The following MAD1L1 variants were observed in gnomAD, a reference collection of about 807,000 sequenced individuals.
The protein encoded by MAD1L1 is mitotic arrest deficient 1 like 1.
In MAD1L1, 95 loss-of-function variants were observed where a neutral mutation model predicts 96.9. The observed-to-expected ratio is 0.98, with a 90% CI of 0.83 to 1.16. The LOEUF (loss-of-function observed/expected upper bound fraction) is 1.16. Ranked by LOEUF, MAD1L1 falls within the 50% of genes most tolerant of loss-of-function variation. MAD1L1 has a pLI of 0.00. For missense variants in MAD1L1, 1,007 were observed against 954.4 expected, an observed-to-expected ratio of 1.06 and a Z score of -0.73; for synonymous variants, 473 against 396.6, an observed-to-expected ratio of 1.19 and a Z score of -2.29.
chr7:2,001,319 C>A (rs1310275037), intron 14 of MAD1L1, among the ~76,000 whole-genome samples: 1 of 152,282 alleles, frequency 6.6e-6, no homozygotes, highest in Non-Finnish European at 1.5e-5. Context: ...CGTCCTTGTC[C>A]TTCACAGACA....
intron 18 of MAD1L1, among the ~76,000 whole-genome samples, chr7:1,888,027 G>A (rs1371171423): frequency 4.6e-5 from 7 of 151,116 alleles, no homozygotes; most frequent in African/African-American, 1.5e-4. Flanking sequence ...GTGTGCATGC[G>A]TGAGACTGAG....
At chr7:2,184,758 T>G (rs566153743) in intron 10 of MAD1L1, among the ~76,000 whole-genome samples, 1 of 152,212 alleles carries the variant, frequency 6.6e-6, no homozygotes, top group East Asian at 1.9e-4. Context: ...TCCCAGCACT[T>G]TGGGAGGCTG....
At chr7:2,144,067 A>C (rs1859993) in intron 11 of MAD1L1, among the ~76,000 whole-genome samples, 100 of 152,140 alleles carry the variant, frequency 6.6e-4, no homozygotes, top group African/African-American at 2.3e-3. Context: ...AACGTGTCCC[A>C]CAGGGACCCA....
chr7:2,168,796 C>G lies in MAD1L1; in HGVS notation c.987-19558G>C, dbSNP rs561498445. ...GTGGAGGAAGAACACAAGCCTGGAG[C>G]AGGGGGCAGACACACGGGGCGTGGG... On this transcript the variant is annotated intron_variant, in intron 10 of 18. Coordinates refer to ENST00000265854, the MANE Select transcript of MAD1L1 (RefSeq NM_001013836.2). 1.6e-3 allele frequency among the ~76,000 whole-genome samples: 249 copies of G among 152,342 alleles called. 2 individuals carry two copies. The highest frequency in any genetic ancestry group is 2.6e-3 in the Non-Finnish European group (174 of 68,034).
intron 18 of MAD1L1, among the ~76,000 whole-genome samples, chr7:1,864,803 C>T (rs1784703304): frequency 6.6e-6 from 1 of 152,154 alleles, no homozygotes; most frequent in Non-Finnish European, 1.5e-5. Flanking sequence ...CGCCCCCACT[C>T]CGCCCCTTTC....
intron 17 of MAD1L1, among the ~76,000 whole-genome samples, chr7:1,929,441 A>T (rs1428583593): frequency 1.3e-5 from 2 of 152,262 alleles, no homozygotes; most frequent in East Asian, 3.9e-4. Context: ...CCAGCACGGG[A>T]GGCCGGGCTT....
chr7:2,102,275 C>A (rs1251581647), intron 11 of MAD1L1, among the ~76,000 whole-genome samples: 1 of 148,728 alleles, frequency 6.7e-6, no homozygotes, highest in East Asian at 2.0e-4. Flanking sequence ...CCATCACTAT[C>A]ACCACCACCA....
intron 17 of MAD1L1, among the ~76,000 whole-genome samples, chr7:1,903,672 T>C (rs1355230137): frequency 1.7e-4 from 23 of 137,268 alleles, no homozygotes; most frequent in Middle Eastern, 4.4e-3. Context: ...CAGTGGCCTA[T>C]GGAAGACGCT....
At chr7:2,106,824 G>A (rs1389651013) in intron 11 of MAD1L1, among the ~76,000 whole-genome samples, 1 of 152,192 alleles carries the variant, frequency 6.6e-6, no homozygotes, top group East Asian at 1.9e-4. Context: ...TCTCAGCTGG[G>A]AGCCAGTCAC....
intron 18 of MAD1L1, among the ~76,000 whole-genome samples, chr7:1,882,870 G>A (rs1416402298): frequency 6.6e-5 from 10 of 152,250 alleles, no homozygotes; most frequent in African/African-American, 2.4e-4. Flanking sequence ...CTTTAGAAAT[G>A]TAGAGAACTG....
At chr7:2,037,180 C>T (rs1422554574) in intron 12 of MAD1L1, among the ~76,000 whole-genome samples, 1 of 151,636 alleles carries the variant, frequency 6.6e-6, no homozygotes, top group Non-Finnish European at 1.5e-5. Flanking sequence ...AATTTCGGCT[C>T]CTTCTTTGTC....
At chr7:1,869,795 G>A (rs954379437) in intron 18 of MAD1L1, among the ~76,000 whole-genome samples, 1 of 152,200 alleles carries the variant, frequency 6.6e-6, no homozygotes, top group Non-Finnish European at 1.5e-5. Context: ...TGTCCCTGCA[G>A]GAGGTGATGC....
At chr7:2,014,412 G>T in intron 13 of MAD1L1, 90 bp downstream of exon 13, 1 of 1,462,644 alleles carries the variant, frequency 6.8e-7, no homozygotes, top group African/African-American at 1.4e-5. Flanking sequence ...GCGGGGTCCA[G>T]ACCTCCACCT....
chr7:2,162,654 TAA>T (rs1201179419), intron 10 of MAD1L1, among the ~76,000 whole-genome samples: 2 of 84,208 alleles, frequency 2.4e-5, no homozygotes, highest in East Asian at 6.5e-4. Flanking sequence ...AAAAATCCAT[TAA>T]AAGAGGAAAA....
chr7:1,881,888 G>A (rs570883519), intron 18 of MAD1L1, among the ~76,000 whole-genome samples: 12 of 152,290 alleles, frequency 7.9e-5, no homozygotes, highest in Admixed American at 1.3e-4. Context: ...TTCTCTATGC[G>A]GATATGAGGA....
At chr7:1,909,097 G>A (rs935817291) in intron 17 of MAD1L1, among the ~76,000 whole-genome samples, 1 of 152,220 alleles carries the variant, frequency 6.6e-6, no homozygotes, top group Non-Finnish European at 1.5e-5. Flanking sequence ...TCGGAGCAGC[G>A]GGACCAGCCT....
chr7:2,026,597 G>C (rs1783004840), intron 12 of MAD1L1, among the ~76,000 whole-genome samples: 1 of 152,198 alleles, frequency 6.6e-6, no homozygotes, highest in African/African-American at 2.4e-5. Flanking sequence ...TCAGAGGATA[G>C]TCTCTGAGCA....
chr7:2,220,701 C>T (rs1413869239), intron 5 of MAD1L1, among the ~76,000 whole-genome samples: 1 of 152,256 alleles, frequency 6.6e-6, no homozygotes, highest in African/African-American at 2.4e-5. Context: ...CTGTCCACCC[C>T]ACGCCGCTCT....
intron 11 of MAD1L1, among the ~76,000 whole-genome samples, chr7:2,125,688 G>A (rs557677230): frequency 4.6e-5 from 7 of 152,256 alleles, no homozygotes; most frequent in African/African-American, 7.2e-5. Flanking sequence ...AGAGGCAGGC[G>A]CCCAGACACC....
Sources: allele counts gnomAD v4.1 joint callset (sites outside exome capture counted in the v4.1 genomes callset), GRCh38; gene constraint gnomAD v4.1.1; transcripts MANE v1.5; gene names NCBI Gene and HGNC (gene_info 2026-07-23, HGNC 2026-07-21).